Variants in SHPK observed in about 807,000 individuals in gnomAD.
SHPK encodes the protein carbohydrate kinase-like protein.
Under a neutral mutation model 46.3 loss-of-function variants are expected in SHPK, and 51 were observed. That is an observed-to-expected ratio of 1.10 (90% CI 0.88 to 1.39). The LOEUF is 1.39. Ranked by LOEUF, SHPK falls within the 40% of genes most tolerant of loss-of-function variation. The pLI is 0.00. For synonymous variants in SHPK, 290 were observed against 273.9 expected, an observed-to-expected ratio of 1.06 and a Z score of -0.58; for missense variants, 668 against 641.3, an observed-to-expected ratio of 1.04 and a Z score of -0.45.
At chr17:3,631,711 C>T (rs1388940496) in intron 1 of SHPK, among the ~76,000 whole-genome samples, 3 of 150,954 alleles carry the variant, frequency 2.0e-5, no homozygotes, top group African/African-American at 2.4e-5. Flanking sequence ...TTAGTAGAGA[C>T]GGGGTTTCGC....
rs1292495129 is a variant in SHPK at position 3,609,990 on chromosome 17, G to A, written c.*570C>T. The A allele has an allele frequency of 6.5e-6, 1 of 153,752 alleles. No homozygotes were observed. Among genetic ancestry groups the A allele is most frequent in the Non-Finnish European group, 1.4e-5 (1 of 69,018 alleles). The allele number at this position is 153,752 out of a possible 1,614,324, so 9.5% of individuals were successfully genotyped here. The stretch of plus-strand genomic sequence containing the variant: ...AGCCTGCCTGCTGCATCGCGCTTGG[G>A]TCAATCCCTGGCCCAGCTAAGCATC... On this transcript the variant is annotated 3_prime_UTR_variant, in exon 7 of 7. Transcript: ENST00000225519.
intron 1 of SHPK, among the ~76,000 whole-genome samples, chr17:3,632,898 T>C (rs750737183): frequency 3.9e-5 from 6 of 151,984 alleles, no homozygotes; most frequent in Non-Finnish European, 8.8e-5. Flanking sequence ...GCTGCCAAGC[T>C]TGACCCTGGT....
intron 2 of SHPK, among the ~76,000 whole-genome samples, chr17:3,629,654 G>A (rs2075458620): frequency 6.6e-6 from 1 of 151,656 alleles, no homozygotes; most frequent in South Asian, 2.1e-4. Context: ...CTTGAACTCG[G>A]GAGGCAGAGG....
rs770280318 is a variant in SHPK, at chr17:3,624,231, C to A, written c.311G>T (p.Gly104Val). 2 of 1,604,928 alleles carry A rather than the reference C, an allele frequency of 1.2e-6. No individual in the cohort carries two copies. Among genetic ancestry groups the A allele is most frequent in the Admixed American group, 1.7e-5 (1 of 59,362 alleles). The change falls in exon 3 of 7, where the codon GGC becomes GTC. Residue 104 changes from glycine to valine, a missense_variant and splice_region_variant. Coordinates refer to ENST00000225519, the MANE Select transcript of SHPK (RefSeq NM_013276.4). Reference protein sequence around the residue: ...HGVVFWKTGQGCEWTEGGITP... With the variant: ...HGVVFWKTGQVCEWTEGGITP... ...AATCCCTCCCTCTGTCCATTCACAG[C>A]CTGGAACAAAAGAGATGACCAAAAA...
At chr17:3,616,151 C>T (rs906842084) in intron 5 of SHPK, among the ~76,000 whole-genome samples, 8 of 152,076 alleles carry the variant, frequency 5.3e-5, no homozygotes, top group African/African-American at 1.2e-4. Flanking sequence ...CGTGCCCGGC[C>T]GATACTCCTC....
chr17:3,608,540 T>C lies in SHPK; in HGVS notation c.*2020A>G, dbSNP rs2075315032. ...ACACAGGGACGGTTTGCATCCCAGA[T>C]GGCACGGCAGAGACTCTCCATCACA... On this transcript the variant is annotated 3_prime_UTR_variant, in exon 7 of 7. Transcript: ENST00000225519. 6.6e-6 allele frequency: 1 copy of C among 152,114 alleles called. No homozygotes were observed. The highest frequency in any genetic ancestry group is 2.4e-5 in the African/African-American group (1 of 41,408). 9.4% of individuals were successfully genotyped at this position (152,114 alleles called of 1,614,324 possible). A position where few individuals can be genotyped will look rare whatever the true frequency, so the allele number is the denominator to read the frequency against.
intron 2 of SHPK, among the ~76,000 whole-genome samples, chr17:3,626,031 C>T (rs901248605): frequency 1.1e-4 from 17 of 150,732 alleles, no homozygotes; most frequent in East Asian, 3.9e-4. Context: ...CCAGCCTGGG[C>T]AACAGAGTGA....
rs760835929 is a variant in SHPK, at chr17:3,636,040, G to A, written c.168+12C>T. The A allele has an allele frequency of 3.2e-6, 5 of 1,539,316 alleles. No individual in the cohort carries two copies. Among genetic ancestry groups the A allele is most frequent in the Middle Eastern group, 2.2e-4 (1 of 4,524 alleles). Reference sequence around the variant, plus strand: ...CTCCTGGAGGCGGCGCGGCCCCGGGGGTCCAACTCACCTGGGGCCCGGCCA... The same window carrying A: ...CTCCTGGAGGCGGCGCGGCCCCGGGAGTCCAACTCACCTGGGGCCCGGCCA... On this transcript the variant is annotated intron_variant, in intron 1 of 6. Coordinates refer to ENST00000225519, the MANE Select transcript of SHPK (RefSeq NM_013276.4).
rs761474733 is a variant in SHPK at position 3,636,233 on chromosome 17, C to A, written c.-14G>T. The A allele has an allele frequency of 3.1e-6, 5 of 1,589,290 alleles. No individual in the cohort carries two copies. In the South Asian group the frequency reaches 4.5e-5, roughly 14 times the overall value. ...CCGCGCAGCCATTATCTCCCTGACC[C>A]GCGCAGCTCCAGTCTGCAGCCAGCG... On this transcript the variant is annotated 5_prime_UTR_variant, in exon 1 of 7. Coordinates refer to ENST00000225519, the MANE Select transcript of SHPK (RefSeq NM_013276.4).
chr17:3,613,759 T>C (rs1435057857), intron 6 of SHPK, among the ~76,000 whole-genome samples: 1 of 152,158 alleles, frequency 6.6e-6, no homozygotes, highest in East Asian at 1.9e-4. Context: ...GGTCTTGCTA[T>C]GTTGCCCAAG....
intron 4 of SHPK, chr17:3,622,706 CTTTTT>C (rs10643273): frequency 5.9e-5 from 13 of 220,880 alleles, no homozygotes; most frequent in African/African-American, 7.8e-5. Context: ...GTTCTTTTTT[CTTTTT>C]TTTTTTTTTT....
intron 3 of SHPK, 142 bp downstream of exon 3, chr17:3,623,906 G>T: frequency 1.2e-6 from 1 of 809,734 alleles, no homozygotes. Context: ...CCCAATCGAG[G>T]TCCAGGCCAT....
chr17:3,613,876 G>A (rs75748321), intron 6 of SHPK, among the ~76,000 whole-genome samples: 1 of 152,062 alleles, frequency 6.6e-6, no homozygotes, highest in Non-Finnish European at 1.5e-5. Context: ...AAGGTTGGAA[G>A]GGAAGGTTAA....
rs1401135686 is a variant in SHPK at position 3,615,400 on chromosome 17, G to A, written c.961C>T (p.Leu321Phe). 1.9e-6 allele frequency: 3 copies of A among 1,614,104 alleles called. No homozygotes were observed. The highest frequency in any genetic ancestry group is 2.7e-5 in the African/African-American group (2 of 74,928). ...NRTYLGVAAS[L>F]NGGNVLATFV... ...GTGGCCAGCACATTGCCCCCGTTGA[G>A]TGACGCGGCCACCCCCAGGTAGGTC... The change falls in exon 6 of 7, where the codon CTC (leucine) becomes TTC (phenylalanine). Residue 321 changes from leucine to phenylalanine, a missense_variant. Coordinates refer to ENST00000225519, the MANE Select transcript of SHPK (RefSeq NM_013276.4).
chr17:3,608,437 G>A lies in SHPK; in HGVS notation c.*2123C>T, dbSNP rs2075313553. The A allele has an allele frequency of 1.3e-5, 2 of 152,070 alleles. No homozygotes were observed. Among genetic ancestry groups the A allele is most frequent in the South Asian group, 4.1e-4 (2 of 4,822 alleles). 9.4% of individuals were successfully genotyped at this position (152,070 alleles called of 1,614,324 possible). ...TAAAAAAAGACTGACCTGAACAGAA[G>A]CACTGTGATACCAGGACGGGCGATC... On this transcript the variant is annotated 3_prime_UTR_variant, in exon 7 of 7. Transcript: ENST00000225519.
rs224496 is a variant in SHPK, at chr17:3,610,734, C to T, written c.1263G>A (p.Glu421=). The T allele has an allele frequency of 1.2e-6, 2 of 1,614,038 alleles. No homozygotes were observed. Among genetic ancestry groups the T allele is most frequent in the African/African-American group, 2.7e-5 (2 of 74,940 alleles). The part of the protein sequence containing the change: ...HSMLPIQQLQ[E]WGVERVMGSG... ...TGCCCATCACCCTCTCCACGCCCCA[C>T]TCCTGGAGCTGCTGAATCGGAAGCA... is the stretch of plus-strand genomic sequence containing the variant. The change falls in exon 7 of 7, where the codon GAG becomes GAA. Residue 421 remains glutamate, a synonymous_variant. Coordinates refer to ENST00000225519, the MANE Select transcript of SHPK (RefSeq NM_013276.4).
At chr17:3,635,185 G>A (rs941164307) in intron 1 of SHPK, among the ~76,000 whole-genome samples, 5 of 136,358 alleles carry the variant, frequency 3.7e-5, no homozygotes, top group African/African-American at 1.5e-4. Flanking sequence ...GAGAAAGAAA[G>A]GAAAGAATGA....
At position 3,610,226 on chromosome 17, in the gene SHPK, G is replaced by A. The variant is rs949798870; in HGVS notation, c.*334C>T. 1.2e-5 allele frequency: 3 copies of A among 244,432 alleles called. No homozygotes were observed. The highest frequency in any genetic ancestry group is 2.2e-5 in the African/African-American group (1 of 46,222). The allele number at this position is 244,432 out of a possible 1,614,324, so 15.1% of individuals were successfully genotyped here. The stretch of plus-strand genomic sequence containing the variant: ...TGGTGTCTGAAGTACACATTGATCT[G>A]CTCTCTGTCTACAGGTGAACCACAG... On this transcript the variant is annotated 3_prime_UTR_variant, in exon 7 of 7. Transcript: ENST00000225519.
intron 2 of SHPK, among the ~76,000 whole-genome samples, chr17:3,626,169 T>C (rs918272065): frequency 1.3e-5 from 2 of 152,230 alleles, no homozygotes; most frequent in Non-Finnish European, 2.9e-5. Flanking sequence ...ATCTGATCTT[T>C]TGCTCTGTAA....
Sources: gnomAD v4.1 joint callset for allele counts (sites outside exome capture counted in the v4.1 genomes callset) on GRCh38, gnomAD v4.1.1 for gene constraint, MANE v1.5 for transcripts, NCBI Gene and HGNC (gene_info 2026-07-23, HGNC 2026-07-21) for gene names.